The following DLG2 variants were observed in gnomAD, a reference collection of about 807,000 sequenced individuals.
DLG2 encodes the protein disks large homolog 2.
DLG2 carries 45 observed loss-of-function variants against 132.5 expected under a neutral mutation model. The ratio of observed to expected loss-of-function variants is 0.34; its 90% CI spans 0.27 to 0.44. The LOEUF (loss-of-function observed/expected upper bound fraction) is 0.44. Ranked by LOEUF, DLG2 falls within the 20% of genes least tolerant of loss-of-function variation. DLG2 has a pLI of 1.00. For missense variants in DLG2, 1,045 were observed against 1,196.9 expected, an observed-to-expected ratio of 0.87 and a Z score of 1.87; for synonymous variants, 424 against 419.6, an observed-to-expected ratio of 1.01 and a Z score of -0.13.
chr11:84,582,481 A>G (rs1174059254), intron 6 of DLG2, among the ~76,000 whole-genome samples: 1 of 148,706 alleles, frequency 6.7e-6, no homozygotes, highest in Non-Finnish European at 1.5e-5. Context: ...AAATACATAT[A>G]TAATAAACAT....
chr11:84,489,050 T>C (rs1224658865), intron 7 of DLG2, among the ~76,000 whole-genome samples: 1 of 152,144 alleles, frequency 6.6e-6, no homozygotes, highest in Non-Finnish European at 1.5e-5. Flanking sequence ...TCACATAATA[T>C]TGTAAACCTA....
chr11:85,185,901 T>C (rs2080059922), intron 4 of DLG2, among the ~76,000 whole-genome samples: 2 of 151,956 alleles, frequency 1.3e-5, no homozygotes, highest in Non-Finnish European at 2.9e-5. Context: ...CTCTATTTCA[T>C]AGGTAAGGGA....
At chr11:84,569,735 G>A (rs370267337) in intron 6 of DLG2, among the ~76,000 whole-genome samples, 11 of 152,132 alleles carry the variant, frequency 7.2e-5, no homozygotes, top group Admixed American at 2.0e-4. Flanking sequence ...TGTTACTCAC[G>A]TGTCCTTTAC....
chr11:85,107,265 CAACAA>C lies in DLG2; in HGVS notation c.357+4391_357+4395del, dbSNP rs762834113. Among the ~76,000 whole-genome samples the C allele has an allele frequency of 4.6e-5, 7 of 151,920 alleles. No homozygotes were observed. The South Asian group carries it at 1.2e-3, about 27-fold the overall frequency. On this transcript the variant is annotated intron_variant, in intron 6 of 27. Coordinates refer to ENST00000376104, the MANE Select transcript of DLG2 (RefSeq NM_001142699.3). ...AGTAACTAAGGGGTGTGCAAATATG[CAACAA>C]AACAAAAGAATTTTTGTAGCCAAAT...
chr11:84,561,121 G>T (rs2099428096), intron 6 of DLG2, among the ~76,000 whole-genome samples: 2 of 152,090 alleles, frequency 1.3e-5, no homozygotes, highest in Non-Finnish European at 2.9e-5. Flanking sequence ...TGTGCAGTGA[G>T]TAGGACATAT....
rs369290963 is a variant in DLG2, at chr11:84,360,383, A to T, written c.520-109092T>A. On this transcript the variant is annotated intron_variant, in intron 7 of 27. Transcript: ENST00000376104. ...TTCCTACTTATACTTCCAAGGCTCA[A>T]ATAAAATCTCACATCCTCCCAAATT... 7.9e-5 allele frequency among the ~76,000 whole-genome samples: 12 copies of T among 152,118 alleles called. No individual in the cohort carries two copies. In the East Asian group the frequency reaches 1.9e-3, roughly 25 times the overall value.
At chr11:85,022,224 A>C (rs541126876) in intron 6 of DLG2, among the ~76,000 whole-genome samples, 1 of 152,012 alleles carries the variant, frequency 6.6e-6, no homozygotes, top group Non-Finnish European at 1.5e-5. Flanking sequence ...GAAAAAATGC[A>C]ATCAGAATAA....
chr11:83,763,304 T>G (rs2093994323), intron 18 of DLG2, among the ~76,000 whole-genome samples: 1 of 152,216 alleles, frequency 6.6e-6, no homozygotes, highest in South Asian at 2.1e-4. Flanking sequence ...TCAATAGATT[T>G]TTTTTAAATC....
intron 11 of DLG2, among the ~76,000 whole-genome samples, chr11:84,014,045 T>C (rs2095041258): frequency 2.6e-5 from 4 of 152,112 alleles, no homozygotes; most frequent in African/African-American, 4.8e-5. Context: ...ACTTACCAAA[T>C]AGAATTGTAT....
intron 11 of DLG2, among the ~76,000 whole-genome samples, chr11:84,015,700 G>A (rs2095143154): frequency 6.6e-6 from 1 of 152,088 alleles, no homozygotes; most frequent in African/African-American, 2.4e-5. Flanking sequence ...CCATGTCCCT[G>A]CAAAGGACAT....
At chr11:84,126,263 T>C (rs898109486) in intron 9 of DLG2, among the ~76,000 whole-genome samples, 3 of 152,146 alleles carry the variant, frequency 2.0e-5, no homozygotes, top group Admixed American at 6.5e-5. Context: ...AGGACTCTTT[T>C]ATGTTAGCGA....
At chr11:85,489,846 T>C (rs188338804) in intron 3 of DLG2, among the ~76,000 whole-genome samples, 1 of 141,350 alleles carries the variant, frequency 7.1e-6, no homozygotes, top group Admixed American at 7.3e-5. Flanking sequence ...TATGAAGGAA[T>C]TTTTTTAATG....
At chr11:83,663,362 T>G (rs1433080768) in intron 18 of DLG2, among the ~76,000 whole-genome samples, 1 of 152,184 alleles carries the variant, frequency 6.6e-6, no homozygotes, top group African/African-American at 2.4e-5. Context: ...GCTGTCAAAA[T>G]CTTATCTCAG....
At chr11:85,508,565 G>A (rs577707617) in intron 3 of DLG2, among the ~76,000 whole-genome samples, 3 of 151,850 alleles carry the variant, frequency 2.0e-5, no homozygotes, top group Non-Finnish European at 4.4e-5. Flanking sequence ...TGCTCACTAG[G>A]TTGTAAGCTC....
chr11:84,235,770 C>G (rs1277777757), intron 8 of DLG2, among the ~76,000 whole-genome samples: 2 of 152,010 alleles, frequency 1.3e-5, no homozygotes, highest in Non-Finnish European at 2.9e-5. Flanking sequence ...TACCGAGAGG[C>G]AGGGTAGTAT....
At chr11:85,039,390 T>C (rs1431400053) in intron 6 of DLG2, among the ~76,000 whole-genome samples, 1 of 151,922 alleles carries the variant, frequency 6.6e-6, no homozygotes, top group Non-Finnish European at 1.5e-5. Flanking sequence ...ACTAGTGATA[T>C]CCAAATGTGA....
rs574356382 is a variant in DLG2 at position 83,803,151 on chromosome 11, T to A, written c.1723-16359A>T. 3.3e-5 allele frequency among the ~76,000 whole-genome samples: 5 copies of A among 152,262 alleles called. No individual in the cohort carries two copies. In the South Asian group the frequency reaches 1.0e-3, roughly 32 times the overall value. On this transcript the variant is annotated intron_variant, in intron 17 of 27. Transcript: ENST00000376104. ...ATCAAATTTTCAAACATTGCATTAATCCATTCAATACATATTTACTGAATG... is the reference window on the plus strand; with the variant it reads ...ATCAAATTTTCAAACATTGCATTAAACCATTCAATACATATTTACTGAATG...
At chr11:83,561,319 C>A (rs2096606465) in intron 19 of DLG2, among the ~76,000 whole-genome samples, 1 of 152,074 alleles carries the variant, frequency 6.6e-6, no homozygotes, top group South Asian at 2.1e-4. Flanking sequence ...CTAGCAGAGG[C>A]TATTTGGAGG....
chr11:84,457,902 A>T (rs2099069717), intron 7 of DLG2, among the ~76,000 whole-genome samples: 1 of 150,928 alleles, frequency 6.6e-6, no homozygotes, highest in Admixed American at 6.6e-5. Flanking sequence ...TCTATATTTT[A>T]ATATTTGTCT....
Sources: allele counts gnomAD v4.1 joint callset (sites outside exome capture counted in the v4.1 genomes callset), GRCh38; gene constraint gnomAD v4.1.1; transcripts MANE v1.5; gene names NCBI Gene and HGNC (gene_info 2026-07-23, HGNC 2026-07-21).